Variants in PTPRT observed in about 807,000 individuals in gnomAD.
PTPRT encodes the protein protein tyrosine phosphatase receptor type T, also known as receptor-type tyrosine-protein phosphatase T.
In PTPRT, 56 loss-of-function variants were observed where a neutral mutation model predicts 176.8. The ratio of observed to expected loss-of-function variants is 0.32; its 90% CI spans 0.26 to 0.40. The LOEUF (loss-of-function observed/expected upper bound fraction) is 0.40. Ranked by LOEUF, PTPRT falls within the 10% of genes least tolerant of loss-of-function variation. The pLI, the probability that PTPRT is intolerant of heterozygous loss-of-function variation, is 1.00. For synonymous variants in PTPRT, 783 were observed against 739.0 expected, an observed-to-expected ratio of 1.06 and a Z score of -0.96; for missense variants, 1,540 against 1,908.2, an observed-to-expected ratio of 0.81 and a Z score of 3.60.
At chr20:42,221,634 C>A (rs1460004608) in intron 15 of PTPRT, among the ~76,000 whole-genome samples, 2 of 151,560 alleles carry the variant, frequency 1.3e-5, no homozygotes, top group African/African-American at 4.8e-5. Context: ...ATTTTCATGC[C>A]TCAGCCTCCC....
At chr20:42,205,937 A>T (rs1414930628) in intron 15 of PTPRT, among the ~76,000 whole-genome samples, 1 of 152,170 alleles carries the variant, frequency 6.6e-6, no homozygotes, top group Non-Finnish European at 1.5e-5. Context: ...ACACATCGCA[A>T]CTGTAAGGGA....
intron 1 of PTPRT, among the ~76,000 whole-genome samples, chr20:42,949,645 C>G (rs1410274147): frequency 6.6e-6 from 1 of 152,204 alleles, no homozygotes; most frequent in African/African-American, 2.4e-5. Context: ...TCCAATGTGC[C>G]TGCTCCAATT....
At position 42,975,066 on chromosome 20, in the gene PTPRT, A is replaced by G. The variant is rs577504958; in HGVS notation, c.89-89134T>C. 1.3e-4 allele frequency among the ~76,000 whole-genome samples: 20 copies of G among 152,366 alleles called. No homozygotes were observed. In the South Asian group the frequency reaches 4.1e-3, roughly 32 times the overall value. Reference sequence around the variant, plus strand: ...CTGCCTCCGTGAGCCTGACATATAGACATTCTGAACAAGGAAATAATCTGT... The same window carrying G: ...CTGCCTCCGTGAGCCTGACATATAGGCATTCTGAACAAGGAAATAATCTGT... On this transcript the variant is annotated intron_variant, in intron 1 of 30. Transcript: ENST00000373187.
chr20:42,136,232 C>CTT (rs397864699), intron 18 of PTPRT, among the ~76,000 whole-genome samples: 12,192 of 63,176 alleles, frequency 0.19, 2,752 homozygotes, highest in Non-Finnish European at 0.23. Context: ...AAGAACAGTG[C>CTT]TTTTTTTTTT....
intron 12 of PTPRT, among the ~76,000 whole-genome samples, chr20:42,282,966 A>G (rs953441468): frequency 2.0e-5 from 3 of 152,214 alleles, no homozygotes; most frequent in South Asian, 2.1e-4. Flanking sequence ...ATAGACGGGA[A>G]GAGATACTTG....
chr20:42,535,841 T>C (rs1027643490), intron 7 of PTPRT, among the ~76,000 whole-genome samples: 2 of 152,136 alleles, frequency 1.3e-5, no homozygotes, highest in African/African-American at 2.4e-5. Flanking sequence ...TGCAGATCCA[T>C]AGCCTATTCC....
chr20:42,771,589 G>A (rs6030462), intron 4 of PTPRT, 39 bp from the exon 5 acceptor site: 619,839 of 1,551,578 alleles, frequency 0.4, 128,989 homozygotes, highest in African/African-American at 0.61. Flanking sequence ...AATGAGATTC[G>A]ACAGCCTGCA....
chr20:42,798,100 C>A (rs907352656), intron 2 of PTPRT, among the ~76,000 whole-genome samples: 1 of 152,172 alleles, frequency 6.6e-6, no homozygotes, highest in Non-Finnish European at 1.5e-5. Flanking sequence ...TGCTGCTAGG[C>A]TTTTGCCCAG....
In PTPRT at chr20:42,719,344, G is replaced by A. The variant is rs955300377; in HGVS notation, c.859+37118C>T. On this transcript the variant is annotated intron_variant, in intron 6 of 30. Transcript: ENST00000373187. ...ACTCTGGGGAACATTATATTTAAGG[G>A]AAAGGCCCAGAAACAGAAAGCTGTG... Among the ~76,000 whole-genome samples, 8 of 152,142 alleles carry A rather than the reference G, an allele frequency of 5.3e-5. No individual in the cohort carries two copies. The East Asian group carries it at 5.8e-4, about 11-fold the overall frequency.
At chr20:43,062,566 C>T (rs1231794577) in intron 1 of PTPRT, among the ~76,000 whole-genome samples, 3 of 152,202 alleles carry the variant, frequency 2.0e-5, no homozygotes, top group African/African-American at 7.2e-5. Flanking sequence ...TTAGCTCTCC[C>T]TGAAAACCAA....
intron 7 of PTPRT, among the ~76,000 whole-genome samples, chr20:42,500,534 T>A (rs183105091): frequency 6.6e-6 from 1 of 152,110 alleles, no homozygotes; most frequent in South Asian, 2.1e-4. Flanking sequence ...GTGACTAGTA[T>A]AACATTGTTT....
chr20:43,083,082 AT>A (rs1199498446), intron 1 of PTPRT, among the ~76,000 whole-genome samples: 1 of 151,872 alleles, frequency 6.6e-6, no homozygotes, highest in Non-Finnish European at 1.5e-5. Context: ...CAGCGCCCGA[AT>A]AAAGCCCTCT....
chr20:42,242,835 T>C (rs369292140), intron 14 of PTPRT, among the ~76,000 whole-genome samples: 6 of 152,082 alleles, frequency 3.9e-5, no homozygotes, highest in Admixed American at 6.6e-5. Flanking sequence ...ACCATGGCTA[T>C]GGAGAAGAAG....
intron 6 of PTPRT, among the ~76,000 whole-genome samples, chr20:42,736,838 G>A (rs1365250954): frequency 6.6e-6 from 1 of 152,068 alleles, no homozygotes; most frequent in Non-Finnish European, 1.5e-5. Context: ...GGAAGGAAAG[G>A]ACCAGCCCCC....
intron 9 of PTPRT, among the ~76,000 whole-genome samples, chr20:42,406,268 T>C (rs921152936): frequency 6.6e-6 from 1 of 151,956 alleles, no homozygotes; most frequent in South Asian, 2.1e-4. Context: ...TCAAAGGTCG[T>C]CCTTTGAAAA....
chr20:42,140,883 C>T (rs1988591374), intron 18 of PTPRT, among the ~76,000 whole-genome samples: 1 of 152,144 alleles, frequency 6.6e-6, no homozygotes, highest in Admixed American at 6.5e-5. Flanking sequence ...GGCACTGTAG[C>T]AAGAGTTTTA....
intron 7 of PTPRT, among the ~76,000 whole-genome samples, chr20:42,603,355 G>T (rs966333480): frequency 6.6e-6 from 1 of 152,130 alleles, no homozygotes; most frequent in Non-Finnish European, 1.5e-5. Flanking sequence ...GATCCAGGGG[G>T]CTAGGGGTGG....
chr20:42,647,845 T>C (rs1191660097), intron 7 of PTPRT, among the ~76,000 whole-genome samples: 4 of 152,196 alleles, frequency 2.6e-5, no homozygotes, highest in Non-Finnish European at 5.9e-5. Flanking sequence ...TATCCTGACT[T>C]CTTCTTTTAT....
chr20:43,179,891 A>C (rs1028994724), intron 1 of PTPRT, among the ~76,000 whole-genome samples: 5 of 152,228 alleles, frequency 3.3e-5, no homozygotes, highest in Admixed American at 2.6e-4. Context: ...ACTTCCTGGC[A>C]TTCATGCCTG....
Sources: allele counts gnomAD v4.1 joint callset (sites outside exome capture counted in the v4.1 genomes callset), GRCh38; gene constraint gnomAD v4.1.1; transcripts MANE v1.5; gene names NCBI Gene and HGNC (gene_info 2026-07-23, HGNC 2026-07-21).